The following DPH6 variants were observed in gnomAD, a reference collection of about 807,000 sequenced individuals.
The protein encoded by DPH6 is diphthine--ammonia ligase.
A neutral mutation model predicts 38.2 loss-of-function variants in DPH6; 33 were observed. The ratio of observed to expected loss-of-function variants is 0.86; its 90% CI spans 0.65 to 1.15. The LOEUF (loss-of-function observed/expected upper bound fraction) is 1.15, where lower values mean the gene tolerates loss of function less well. Among genes scored for constraint, DPH6 ranks in the 50% most tolerant of loss-of-function variants. The pLI, the probability that DPH6 is intolerant of heterozygous loss-of-function variation, is 0.00. For synonymous variants in DPH6, 108 were observed against 103.0 expected (o/e 1.05, Z -0.30); for missense variants, 325 against 320.0 (o/e 1.02, Z -0.12).
intron 3 of DPH6, among the ~76,000 whole-genome samples, chr15:35,358,469 T>C (rs1333635766): frequency 6.6e-6 from 1 of 152,226 alleles, no homozygotes; most frequent in African/African-American, 2.4e-5. Flanking sequence ...TGTTTTGTCA[T>C]ATTACCAGGG....
At chr15:35,539,087 T>C (rs2055214977) in intron 2 of DPH6, among the ~76,000 whole-genome samples, 1 of 151,970 alleles carries the variant, frequency 6.6e-6, no homozygotes, top group African/African-American at 2.4e-5. Flanking sequence ...TCAGTGGTTG[T>C]CACAAGATTC....
the DPH6 span, among the ~76,000 whole-genome samples, chr15:35,152,383 T>A: frequency 5.9e-5 from 9 of 152,242 alleles, no homozygotes; most frequent in South Asian, 1.2e-3. Context: ...TAAAAAAAAC[T>A]CTGAAAATTT....
chr15:35,489,777 GA>G, intron 3 of DPH6: 3 of 983,118 alleles, frequency 3.1e-6, no homozygotes, highest in Non-Finnish European at 3.6e-6. Flanking sequence ...TAGGAGGATA[GA>G]GAACAAAATT....
Position 35,323,644 on chromosome 15 carries a change from C to G in DPH6, n.200+49877G>C, listed in dbSNP as rs187572570. On this transcript the variant is annotated intron_variant and non_coding_transcript_variant, in intron 3 of 3. Transcript: ENST00000560386. ...TCATTTCATCTTTATGTATTGTTTG[C>G]CCAAGGAGAATTCATTTAAAAGTAA... Among the ~76,000 whole-genome samples, 248 of 152,166 alleles carry G rather than the reference C, an allele frequency of 1.6e-3. 2 individuals are homozygous for G. The highest frequency in any genetic ancestry group is 0.014 in the Admixed American group (207 of 15,270).
chr15:35,377,317 G>A (rs186928872), intron 7 of DPH6, among the ~76,000 whole-genome samples: 3 of 151,404 alleles, frequency 2.0e-5, no homozygotes, highest in Admixed American at 6.6e-5. Context: ...TTATTCTTCC[G>A]TCCACCCATC....
chr15:35,451,410 T>C (rs1452923199), intron 4 of DPH6, among the ~76,000 whole-genome samples: 6 of 152,228 alleles, frequency 3.9e-5, no homozygotes, highest in African/African-American at 1.2e-4. Flanking sequence ...TGCATGGCTT[T>C]TGAAGTCAAG....
At chr15:35,406,113 G>A (rs2053289635) in intron 6 of DPH6, among the ~76,000 whole-genome samples, 1 of 152,016 alleles carries the variant, frequency 6.6e-6, no homozygotes, top group South Asian at 2.1e-4. Flanking sequence ...AAAAATGGCA[G>A]CTCAAAGAAA....
chr15:35,177,024 T>C, the DPH6 span, among the ~76,000 whole-genome samples: 1 of 152,154 alleles, frequency 6.6e-6, no homozygotes, highest in Non-Finnish European at 1.5e-5. Context: ...TAGAATTGAT[T>C]GTATTTGTAT....
intron 3 of DPH6, chr15:35,298,769 T>C: frequency 7.3e-7 from 1 of 1,369,676 alleles, no homozygotes; most frequent in Non-Finnish European, 1.0e-6. Flanking sequence ...GAGGAAGGAG[T>C]TGCGCTGGGC....
At chr15:35,288,204 C>T (rs1158170149) in intron 3 of DPH6, among the ~76,000 whole-genome samples, 4 of 152,270 alleles carry the variant, frequency 2.6e-5, no homozygotes, top group African/African-American at 9.6e-5. Flanking sequence ...AGAAAACCTT[C>T]CCTAATGTAG....
At chr15:35,297,037 G>C (rs2052020616) in intron 3 of DPH6, among the ~76,000 whole-genome samples, 1 of 152,020 alleles carries the variant, frequency 6.6e-6, no homozygotes, top group Non-Finnish European at 1.5e-5. Flanking sequence ...GATCACAATA[G>C]AATTATCCCT....
chr15:35,509,611 G>A (rs1373955532), intron 3 of DPH6, among the ~76,000 whole-genome samples: 3 of 152,078 alleles, frequency 2.0e-5, no homozygotes, highest in African/African-American at 4.8e-5. Flanking sequence ...ACTAAAGAAA[G>A]GGCAATCTGT....
chr15:35,344,467 A>G (rs1157681004), intron 3 of DPH6, among the ~76,000 whole-genome samples: 1 of 151,954 alleles, frequency 6.6e-6, no homozygotes, highest in African/African-American at 2.4e-5. Context: ...GAAAGACTCA[A>G]TTACCATCCC....
intron 3 of DPH6, among the ~76,000 whole-genome samples, chr15:35,464,562 C>T (rs1487229220): frequency 2.0e-5 from 3 of 151,922 alleles, no homozygotes; most frequent in Admixed American, 2.0e-4. Flanking sequence ...ATATTTTTTT[C>T]AAAGAAACAA....
intron 3 of DPH6, among the ~76,000 whole-genome samples, chr15:35,353,670 T>A (rs1280397264): frequency 1.3e-5 from 2 of 152,204 alleles, no homozygotes; most frequent in Non-Finnish European, 2.9e-5. Context: ...GCATGCTGTT[T>A]TGGTTACTGT....
At chr15:35,512,210 C>T (rs1031854527) in intron 3 of DPH6, among the ~76,000 whole-genome samples, 5 of 151,994 alleles carry the variant, frequency 3.3e-5, no homozygotes, top group African/African-American at 9.7e-5. Flanking sequence ...TTTACTAAGC[C>T]AATATTCTAC....
At chr15:35,388,208 A>G (rs1308405832) in intron 6 of DPH6, among the ~76,000 whole-genome samples, 12 of 152,080 alleles carry the variant, frequency 7.9e-5, no homozygotes, top group Non-Finnish European at 1.6e-4. Flanking sequence ...GATCATGGTG[A>G]ATAAGCTTTT....
intron 3 of DPH6, among the ~76,000 whole-genome samples, chr15:35,233,170 G>A (rs1022772165): frequency 6.6e-6 from 1 of 152,102 alleles, no homozygotes; most frequent in African/African-American, 2.4e-5. Flanking sequence ...TTAGAAAGGT[G>A]TGGTGGCGGG....
chr15:35,292,414 A>G (rs2051986167), intron 3 of DPH6, among the ~76,000 whole-genome samples: 2 of 152,222 alleles, frequency 1.3e-5, no homozygotes, highest in South Asian at 4.1e-4. Flanking sequence ...TAGCCCTCCA[A>G]ATCTGGGTCT....
Sources: gnomAD v4.1 joint callset for allele counts (sites outside exome capture counted in the v4.1 genomes callset) on GRCh38, gnomAD v4.1.1 for gene constraint, MANE v1.5 for transcripts, NCBI Gene and HGNC (gene_info 2026-07-23, HGNC 2026-07-21) for gene names.